Variants in EDDM13 observed in about 807,000 individuals in gnomAD.
EDDM13 encodes epididymal protein 13.
In EDDM13, 24 loss-of-function variants were observed where a neutral mutation model predicts 17.8. That is an observed-to-expected ratio of 1.35 (90% CI 0.98 to 1.90). The LOEUF is 1.90. EDDM13 is among the 40% of genes most tolerant of loss of function. The pLI, the probability that EDDM13 is intolerant of heterozygous loss-of-function variation, is 0.00. For synonymous variants in EDDM13, 31 were observed against 37.5 expected, an observed-to-expected ratio of 0.83 and a Z score of 0.63; for missense variants, 97 against 100.8, an observed-to-expected ratio of 0.96 and a Z score of 0.16.
At chr19:56,273,013 C>G (rs1351419764) in intron 1 of EDDM13, 94 bp downstream of exon 1, 1 of 370,144 alleles carries the variant, frequency 2.7e-6, no homozygotes, top group East Asian at 1.6e-4. Context: ...CTCCTGAAGT[C>G]TAACAGACTT....
chr19:56,302,576 CCTCCCCCTTTTCTTCCT>C (rs2040375202), intron 13 of EDDM13, among the ~76,000 whole-genome samples: 1 of 91,272 alleles, frequency 1.1e-5, no homozygotes, highest in Non-Finnish European at 2.0e-5. Context: ...TCCTTTTCTT[CCTCCCCCTTTTCTTCCT>C]CTCCCTCTTC....
At position 56,310,238 on chromosome 19, in the gene EDDM13, GC is replaced by G. The variant is rs1363355817; in HGVS notation, c.*92del. On this transcript the variant is annotated 3_prime_UTR_variant, in exon 15 of 15. Coordinates refer to ENST00000649256, the MANE Select transcript of EDDM13 (RefSeq NM_001354658.2). ...AAGAAAGCTCTCTGTCCCCTGGACT[GC>G]CTGTGTGGAGGGTAATGAACTGGGT... The G allele has an allele frequency of 3.3e-5, 5 of 152,306 alleles. No homozygotes were observed. The highest frequency in any genetic ancestry group is 9.6e-5 in the African/African-American group (4 of 41,462). 9.4% of individuals were successfully genotyped at this position (152,306 alleles called of 1,614,324 possible). A position where few individuals can be genotyped will look rare whatever the true frequency, so the allele number is the denominator to read the frequency against.
At chr19:56,303,054 A>G in intron 13 of EDDM13, 1 of 395,230 alleles carries the variant, frequency 2.5e-6, no homozygotes, top group East Asian at 3.6e-5. Flanking sequence ...GCCTTTCTGC[A>G]GGAGGTGACA....
chr19:56,308,803 G>T (rs1475700005), intron 14 of EDDM13, among the ~76,000 whole-genome samples: 1 of 152,192 alleles, frequency 6.6e-6, no homozygotes, highest in East Asian at 1.9e-4. Context: ...ATTCCACTGG[G>T]GAGGATGCTG....
intron 9 of EDDM13, among the ~76,000 whole-genome samples, chr19:56,292,281 G>A (rs2147164687): frequency 6.6e-6 from 1 of 152,212 alleles, no homozygotes; most frequent in Non-Finnish European, 1.5e-5. Context: ...ATTTACCATT[G>A]TAACTTGTTT....
At chr19:56,298,714 T>C (rs2040041582) in intron 12 of EDDM13, among the ~76,000 whole-genome samples, 1 of 151,608 alleles carries the variant, frequency 6.6e-6, no homozygotes, top group Non-Finnish European at 1.5e-5. Context: ...TGTAATTAAA[T>C]AGCCTTACCA....
At chr19:56,303,096 T>C (rs1487215706) in intron 13 of EDDM13, 5 of 385,506 alleles carry the variant, frequency 1.3e-5, no homozygotes, top group Admixed American at 4.5e-5. Flanking sequence ...AGAATGGAAT[T>C]AGCCAATTGA....
chr19:56,299,156 C>A (rs966595440), intron 12 of EDDM13, among the ~76,000 whole-genome samples: 1 of 151,564 alleles, frequency 6.6e-6, no homozygotes, highest in Non-Finnish European at 1.5e-5. Context: ...TTTTGAGACA[C>A]GGTCTAGCTT....
intron 6 of EDDM13, among the ~76,000 whole-genome samples, chr19:56,285,818 C>T (rs540911389): frequency 6.6e-6 from 1 of 152,162 alleles, no homozygotes; most frequent in East Asian, 1.9e-4. Context: ...TTATAAACAG[C>T]GCTATAATGG....
In EDDM13 at chr19:56,301,693, T is replaced by C. The variant is rs1184257353; in HGVS notation, c.296-275T>C. ...CTCTGGTTCAAACCCCTCTGACAGT[T>C]TGGTGAGAAATCTGGGCAAGACAGG... On this transcript the variant is annotated intron_variant, in intron 12 of 14. Coordinates refer to ENST00000649256, the MANE Select transcript of EDDM13 (RefSeq NM_001354658.2). 3.3e-5 allele frequency among the ~76,000 whole-genome samples: 5 copies of C among 152,156 alleles called. No individual in the cohort carries two copies. The East Asian group carries it at 5.8e-4, about 18-fold the overall frequency.
At chr19:56,280,555 C>T (rs964044094) in intron 2 of EDDM13, 2 of 152,036 alleles carry the variant, frequency 1.3e-5, no homozygotes, top group South Asian at 2.1e-4. Flanking sequence ...TAACCACTGT[C>T]GTAGTCTGTT....
chr19:56,287,063 C>G (rs2039179671), intron 6 of EDDM13, among the ~76,000 whole-genome samples: 1 of 152,196 alleles, frequency 6.6e-6, no homozygotes, highest in African/African-American at 2.4e-5. Flanking sequence ...GACTCCTTCC[C>G]ACCCCCACCA....
chr19:56,309,563 T>C (rs1380530683), intron 14 of EDDM13, among the ~76,000 whole-genome samples: 1 of 152,192 alleles, frequency 6.6e-6, no homozygotes, highest in African/African-American at 2.4e-5. Context: ...CCTGCTCACA[T>C]AGACTGTGAG....
At chr19:56,273,078 A>C (rs563587092) in intron 1 of EDDM13, among the ~76,000 whole-genome samples, 159 bp downstream of exon 1, 1 of 152,254 alleles carries the variant, frequency 6.6e-6, no homozygotes, top group South Asian at 2.1e-4. Context: ...CAGTGGGGTG[A>C]ATGAGTCTAG....
At chr19:56,297,385 TCTCC>T (rs1166793988) in intron 11 of EDDM13, 116 bp from the exon 12 acceptor site, 1 of 173,814 alleles carries the variant, frequency 5.8e-6, no homozygotes, top group African/African-American at 2.4e-5. Context: ...TCCCTCCCTC[TCTCC>T]CTCCCTTTCT....
At chr19:56,287,648 G>C (rs2039226728) in intron 6 of EDDM13, among the ~76,000 whole-genome samples, 1 of 152,180 alleles carries the variant, frequency 6.6e-6, no homozygotes, top group South Asian at 2.1e-4. Flanking sequence ...GCCACTGTCA[G>C]GTATAATAAC....
At chr19:56,278,646 G>C (rs1328592329) in intron 2 of EDDM13, among the ~76,000 whole-genome samples, 1 of 152,216 alleles carries the variant, frequency 6.6e-6, no homozygotes, top group Non-Finnish European at 1.5e-5. Flanking sequence ...CAGTTGTGGG[G>C]TCTGCAAGCT....
chr19:56,302,254 C>T (rs538648306), intron 13 of EDDM13, among the ~76,000 whole-genome samples, 159 bp downstream of exon 13: 1 of 152,040 alleles, frequency 6.6e-6, no homozygotes, highest in South Asian at 2.1e-4. Context: ...CCCACTCTCC[C>T]ACCCGCCTCC....
At chr19:56,309,908 C>T (rs893165276) in intron 14 of EDDM13, among the ~76,000 whole-genome samples, 4 of 152,038 alleles carry the variant, frequency 2.6e-5, no homozygotes, top group African/African-American at 9.7e-5. Context: ...CTGAGGGAAG[C>T]GTGTTCCAGC....
Sources: allele counts gnomAD v4.1 joint callset (sites outside exome capture counted in the v4.1 genomes callset), GRCh38; gene constraint gnomAD v4.1.1; transcripts MANE v1.5; gene names NCBI Gene and HGNC (gene_info 2026-07-23, HGNC 2026-07-21).